Variants in ZNF804B observed in about 807,000 individuals in gnomAD.
The protein encoded by ZNF804B is zinc finger protein 804B.
A neutral mutation model predicts 101.4 loss-of-function variants in ZNF804B; 80 were observed. The observed-to-expected ratio is 0.79, with a 90% CI of 0.66 to 0.95. The LOEUF (loss-of-function observed/expected upper bound fraction) is 0.95. Ranked by LOEUF, ZNF804B falls within the 40% of genes least tolerant of loss-of-function variation. The pLI, the probability that ZNF804B is intolerant of heterozygous loss-of-function variation, is 0.00. For missense variants in ZNF804B, 1,673 were observed against 1,561.9 expected (o/e 1.07, Z -1.20); for synonymous variants, 622 against 558.8 (o/e 1.11, Z -1.59).
chr7:89,040,118 A>G (rs1206944471), intron 1 of ZNF804B, among the ~76,000 whole-genome samples: 1 of 151,874 alleles, frequency 6.6e-6, no homozygotes, highest in African/African-American at 2.4e-5. Flanking sequence ...TAGTGCATGC[A>G]TTGATGCATT....
intron 1 of ZNF804B, among the ~76,000 whole-genome samples, 181 bp downstream of exon 1, chr7:88,760,265 CAG>C (rs1287793916): frequency 6.6e-6 from 1 of 152,216 alleles, no homozygotes; most frequent in Admixed American, 6.5e-5. Context: ...GACTGTGACA[CAG>C]AGAGGGGTGT....
At chr7:88,773,874 CAA>C (rs1446401325) in intron 1 of ZNF804B, among the ~76,000 whole-genome samples, 2 of 152,044 alleles carry the variant, frequency 1.3e-5, no homozygotes, top group East Asian at 3.9e-4. Flanking sequence ...GAGGACAGCA[CAA>C]AGCCATGAGG....
chr7:89,018,639 G>A (rs1025380678), intron 1 of ZNF804B, among the ~76,000 whole-genome samples: 4 of 151,948 alleles, frequency 2.6e-5, no homozygotes. Context: ...AGTGAAGCTG[G>A]ACTGTGCTGG....
chr7:89,298,201 AGT>A (rs796540032), intron 2 of ZNF804B, among the ~76,000 whole-genome samples: 1,153 of 71,410 alleles, frequency 0.016, 49 homozygotes, highest in South Asian at 0.027. Flanking sequence ...ATATCTATAT[AGT>A]GTGTGTGTGT....
intron 2 of ZNF804B, among the ~76,000 whole-genome samples, chr7:89,254,362 A>ATATTTCAAT (rs1789592322): frequency 6.6e-6 from 1 of 152,110 alleles, no homozygotes; most frequent in African/African-American, 2.4e-5. Context: ...AATAACATCA[A>ATATTTCAAT]AAATATGAAA....
At chr7:89,201,493 T>G (rs780330866) in intron 1 of ZNF804B, among the ~76,000 whole-genome samples, 1 of 151,946 alleles carries the variant, frequency 6.6e-6, no homozygotes, top group Non-Finnish European at 1.5e-5. Context: ...ACTTGGTTGA[T>G]TGGTCCACCA....
At position 89,024,288 on chromosome 7, in the gene ZNF804B, C is replaced by T. The variant is rs111683554; in HGVS notation, c.109-193867C>T. Among the ~76,000 whole-genome samples, 715 of 152,224 alleles carry T rather than the reference C, an allele frequency of 4.7e-3. 7 individuals are homozygous for T. The highest frequency in any genetic ancestry group is 0.016 in the African/African-American group (679 of 41,556). On this transcript the variant is annotated intron_variant, in intron 1 of 3. Transcript: ENST00000333190. The stretch of plus-strand genomic sequence containing the variant: ...ATTTTTCAGGATAATACTTAGGGTA[C>T]AAAGAAGTGTATTTCATTGCTTAAC...
intron 1 of ZNF804B, among the ~76,000 whole-genome samples, chr7:89,217,764 A>G (rs1788919594): frequency 6.6e-6 from 1 of 152,192 alleles, no homozygotes; most frequent in South Asian, 2.1e-4. Context: ...AGCATATGAA[A>G]TGGATAAATC....
chr7:89,147,083 G>GTATATATATATATATATA lies in ZNF804B; in HGVS notation c.109-71070_109-71053dup, dbSNP rs147620052. On this transcript the variant is annotated intron_variant, in intron 1 of 3. Transcript: ENST00000333190. ...TTGTATCAAAAAATAGGATAATCAG[G>GTATATATATATATATATA]TATATATATATATATATATTTAATG... Among the ~76,000 whole-genome samples the GTATATATATATATATATA allele has an allele frequency of 4.5e-3, 625 of 140,064 alleles. 7 individuals carry two copies. The highest frequency in any genetic ancestry group is 0.014 in the African/African-American group (521 of 37,922). 91.9% of individuals were successfully genotyped at this position (140,064 alleles called of 152,430 possible).
At chr7:89,097,244 C>CTTTCTTG (rs1428160917) in intron 1 of ZNF804B, among the ~76,000 whole-genome samples, 1 of 152,216 alleles carries the variant, frequency 6.6e-6, no homozygotes, top group East Asian at 1.9e-4. Flanking sequence ...TTCTGTGACT[C>CTTTCTTG]TTTCTTGCTG....
At chr7:89,208,741 G>A (rs1043576404) in intron 1 of ZNF804B, among the ~76,000 whole-genome samples, 2 of 152,052 alleles carry the variant, frequency 1.3e-5, no homozygotes, top group African/African-American at 4.8e-5. Flanking sequence ...GACTGGGCAC[G>A]GTGGCTCACG....
chr7:88,888,483 G>T (rs1245163428), intron 1 of ZNF804B, among the ~76,000 whole-genome samples: 2 of 151,944 alleles, frequency 1.3e-5, no homozygotes, highest in African/African-American at 4.8e-5. Flanking sequence ...TTTTACAGTT[G>T]GTCTTCTATG....
intron 1 of ZNF804B, among the ~76,000 whole-genome samples, chr7:88,803,358 T>C (rs1371178356): frequency 1.3e-5 from 2 of 152,064 alleles, no homozygotes; most frequent in Admixed American, 6.6e-5. Flanking sequence ...GGAGTCAAGA[T>C]AGGAAAATAT....
At chr7:88,880,943 T>A (rs1792020750) in intron 1 of ZNF804B, among the ~76,000 whole-genome samples, 1 of 152,184 alleles carries the variant, frequency 6.6e-6, no homozygotes, top group Non-Finnish European at 1.5e-5. Context: ...AGGTAGATAA[T>A]AGAAGCAAAT....
chr7:89,021,669 TGTAGGACAGGAGTCA>T (rs1251435123), intron 1 of ZNF804B, among the ~76,000 whole-genome samples: 1 of 152,156 alleles, frequency 6.6e-6, no homozygotes, highest in Non-Finnish European at 1.5e-5. Flanking sequence ...TTCTCTGCTG[TGTAGGACAGGAGTCA>T]GTCAATCCTA....
At chr7:88,870,911 GA>G (rs1791813094) in intron 1 of ZNF804B, among the ~76,000 whole-genome samples, 1 of 152,092 alleles carries the variant, frequency 6.6e-6, no homozygotes, top group Non-Finnish European at 1.5e-5. Flanking sequence ...ATGGCAATTA[GA>G]TATGAATATC....
intron 1 of ZNF804B, among the ~76,000 whole-genome samples, chr7:89,091,909 C>G (rs1451880934): frequency 6.6e-6 from 1 of 152,084 alleles, no homozygotes; most frequent in Non-Finnish European, 1.5e-5. Flanking sequence ...AAGGGGAATT[C>G]TTATGCACAG....
intron 1 of ZNF804B, among the ~76,000 whole-genome samples, chr7:88,763,299 T>A (rs1254356526): frequency 1.3e-5 from 2 of 152,282 alleles, no homozygotes; most frequent in East Asian, 3.9e-4. Flanking sequence ...TTGTAATAAA[T>A]TCTTAATGAG....
chr7:89,145,142 A>T (rs989995211), intron 1 of ZNF804B, among the ~76,000 whole-genome samples: 2 of 151,974 alleles, frequency 1.3e-5, no homozygotes, highest in Non-Finnish European at 2.9e-5. Context: ...AACGAAAATA[A>T]ATGATATAAA....
Sources: gnomAD v4.1 joint callset for allele counts (sites outside exome capture counted in the v4.1 genomes callset) on GRCh38, gnomAD v4.1.1 for gene constraint, MANE v1.5 for transcripts, NCBI Gene and HGNC (gene_info 2026-07-23, HGNC 2026-07-21) for gene names.